ILRUN: variants seen among roughly 807,000 people sequenced by gnomAD.
The protein encoded by ILRUN is protein ILRUN.
A neutral mutation model predicts 33.8 loss-of-function variants in ILRUN; 3 were observed. The ratio of observed to expected loss-of-function variants is 0.09; its 90% CI spans 0.04 to 0.23. The LOEUF is 0.23. ILRUN is among the 10% of genes least tolerant of loss of function. The pLI is 1.00. For synonymous variants in ILRUN, 124 were observed against 138.9 expected (o/e 0.89, Z 0.75); for missense variants, 210 against 375.1 (o/e 0.56, Z 3.64).
chr6:34,640,713 A>G lies in ILRUN; in HGVS notation c.511+5888T>C, dbSNP rs1229005678. 3.8e-4 allele frequency among the ~76,000 whole-genome samples: 58 copies of G among 151,054 alleles called. 1 individual carries two copies. Among genetic ancestry groups the G allele is most frequent in the South Asian group, 2.1e-4 (1 of 4,766 alleles). On this transcript the variant is annotated intron_variant, in intron 3 of 4. Transcript: ENST00000374023. ...GACAGAGCGAGACTCCGTCTCAAAT[A>G]AATGAATGAATGAATGAATGAATGA...
intron 1 of ILRUN, among the ~76,000 whole-genome samples, chr6:34,692,803 G>A (rs1763674303): frequency 6.6e-6 from 1 of 152,130 alleles, no homozygotes; most frequent in East Asian, 1.9e-4. Context: ...TCAGATGCGT[G>A]ATGATTGGGT....
intron 3 of ILRUN, among the ~76,000 whole-genome samples, chr6:34,641,271 A>C (rs1762471094): frequency 6.6e-6 from 1 of 152,172 alleles, no homozygotes; most frequent in African/African-American, 2.4e-5. Context: ...TCAATAAGCT[A>C]GTAAGCCGAG....
intron 3 of ILRUN, among the ~76,000 whole-genome samples, chr6:34,616,019 ACTTGGTT>A (rs1761884720): frequency 6.6e-6 from 1 of 152,198 alleles, no homozygotes; most frequent in Non-Finnish European, 1.5e-5. Context: ...ATAGGCTTCC[ACTTGGTT>A]CTGGGCTTCC....
chr6:34,679,673 G>A (rs891928741), intron 1 of ILRUN, among the ~76,000 whole-genome samples: 7 of 152,134 alleles, frequency 4.6e-5, no homozygotes, highest in Non-Finnish European at 8.8e-5. Context: ...CAAAATTCAC[G>A]TCCATCCAGA....
chr6:34,631,777 GTTTCC>G (rs1762250905), intron 3 of ILRUN, among the ~76,000 whole-genome samples: 1 of 152,110 alleles, frequency 6.6e-6, no homozygotes, highest in African/African-American at 2.4e-5. Context: ...CAGGTATGAG[GTTTCC>G]TTTTGGGGTT....
chr6:34,604,381 T>C (rs1245057338), intron 4 of ILRUN, among the ~76,000 whole-genome samples: 5 of 152,114 alleles, frequency 3.3e-5, no homozygotes, highest in African/African-American at 1.2e-4. Flanking sequence ...GGAAAACAAT[T>C]AATGGGCTCT....
chr6:34,658,709 G>C (rs192911853), intron 1 of ILRUN, among the ~76,000 whole-genome samples: 1 of 151,746 alleles, frequency 6.6e-6, no homozygotes, highest in African/African-American at 2.4e-5. Context: ...TGGGAGGCTG[G>C]GTCAGGAGAA....
Position 34,606,664 on chromosome 6 carries a change from G to A in ILRUN, c.752C>T (p.Ala251Val). 2 of 1,612,536 alleles carry A rather than the reference G, an allele frequency of 1.2e-6. No homozygotes were observed. The highest frequency in any genetic ancestry group is 1.7e-6 in the Non-Finnish European group (2 of 1,178,594). ...TTGCTCAGTTTGGTCAGGAGCAGGA[G>A]CCCATGTGTCAGGAGCAGGAGCCCA... ...NTWAPAPDTW[A>V]PAPDQTEQDQ... Residue 251 changes from alanine to valine, a missense_variant, in exon 4 of 5, where the codon GCT (alanine) becomes GTT (valine). Around this residue, in one of 4 missense-constraint regions of ILRUN, gnomAD observed 81 missense variants for 97.0 expected, o/e 0.84. Coordinates refer to ENST00000374023, the MANE Select transcript of ILRUN (RefSeq NM_024294.4).
chr6:34,643,079 T>C (rs1000525112), intron 3 of ILRUN, among the ~76,000 whole-genome samples: 3 of 151,938 alleles, frequency 2.0e-5, no homozygotes, highest in African/African-American at 4.8e-5. Flanking sequence ...GCAGATCACC[T>C]GAGGTCAGGA....
intron 1 of ILRUN, among the ~76,000 whole-genome samples, chr6:34,669,778 GC>G (rs1763078596): frequency 6.6e-6 from 1 of 152,022 alleles, no homozygotes; most frequent in Admixed American, 6.6e-5. Context: ...CCACAACTCA[GC>G]AATAAAAATG....
chr6:34,593,475 A>G (rs544766171), intron 4 of ILRUN, among the ~76,000 whole-genome samples: 11 of 152,352 alleles, frequency 7.2e-5, no homozygotes, highest in African/African-American at 2.6e-4. Flanking sequence ...CAATTGGAAG[A>G]AACAGGAATA....
chr6:34,689,894 C>T (rs1301592443), intron 1 of ILRUN, among the ~76,000 whole-genome samples: 1 of 151,824 alleles, frequency 6.6e-6, no homozygotes, highest in Non-Finnish European at 1.5e-5. Flanking sequence ...AAGTAGAATT[C>T]CAAAACATAC....
intron 1 of ILRUN, among the ~76,000 whole-genome samples, chr6:34,681,551 C>G (rs1763357587): frequency 6.6e-6 from 1 of 152,132 alleles, no homozygotes; most frequent in South Asian, 2.1e-4. Context: ...ATTGGTTGAG[C>G]TCAGGAGTTT....
chr6:34,653,158 G>GAA (rs759825990), intron 2 of ILRUN, among the ~76,000 whole-genome samples: 76 of 142,114 alleles, frequency 5.3e-4, no homozygotes, highest in African/African-American at 1.9e-3. Flanking sequence ...AAAAGAAAAA[G>GAA]AAAGAAAGAA....
At chr6:34,606,167 G>A (rs1261457927) in intron 4 of ILRUN, among the ~76,000 whole-genome samples, 1 of 152,098 alleles carries the variant, frequency 6.6e-6, no homozygotes, top group African/African-American at 2.4e-5. Context: ...TGGGCCATAA[G>A]GACTGAAAAG....
rs570736699 is a variant in ILRUN at position 34,589,604 on chromosome 6, G to C, written c.*961C>G. On this transcript the variant is annotated 3_prime_UTR_variant, in exon 5 of 5. Transcript: ENST00000374023. The stretch of plus-strand genomic sequence containing the variant: ...CTGCTGGTGAGTTGCACCAACACCC[G>C]TGTGTGCACATGTGGTGCATACATA... 2 of 152,238 alleles carry C rather than the reference G, an allele frequency of 1.3e-5. No individual in the cohort carries two copies. The highest frequency in any genetic ancestry group is 2.9e-5 in the Non-Finnish European group (2 of 68,052). The allele number at this position is 152,238 out of a possible 1,614,324, so 9.4% of individuals were successfully genotyped here.
chr6:34,677,668 G>GC (rs1376428854), intron 1 of ILRUN, among the ~76,000 whole-genome samples: 2 of 152,072 alleles, frequency 1.3e-5, no homozygotes, highest in African/African-American at 2.4e-5. Context: ...ACAAAACAGG[G>GC]CCGGTCACCA....
In ILRUN at chr6:34,610,794, T is replaced by A. The variant is rs559297670; in HGVS notation, c.512-3890A>T. ...TAGATTTGGCACACAGCTACTAAGC[T>A]ACAGGTCATATGCTTCATTCTTAGC... On this transcript the variant is annotated intron_variant, in intron 3 of 4. Coordinates refer to ENST00000374023, the MANE Select transcript of ILRUN (RefSeq NM_024294.4). 3.9e-5 allele frequency among the ~76,000 whole-genome samples: 6 copies of A among 152,360 alleles called. No individual in the cohort carries two copies. The South Asian group carries it at 1.2e-3, about 32-fold the overall frequency.
At position 34,592,970 on chromosome 6, in the gene ILRUN, T is replaced by C. The variant is rs1761325739; in HGVS notation, c.862-2370A>G. Among the ~76,000 whole-genome samples, 1 of 152,096 alleles carries C rather than the reference T, an allele frequency of 6.6e-6. No homozygotes were observed. Among genetic ancestry groups the C allele is most frequent in the Admixed American group, 6.5e-5 (1 of 15,268 alleles). ...GGGAGAACTGCTTGAGGTGAGGAGTTAGGAGATCAGTATGGGTAACACAGT... is the reference window on the plus strand; with the variant it reads ...GGGAGAACTGCTTGAGGTGAGGAGTCAGGAGATCAGTATGGGTAACACAGT... On this transcript the variant is annotated intron_variant, in intron 4 of 4. Transcript: ENST00000374023. This position sits in a 1 kb window ranked among gnomAD's most constrained non-coding sequence, Gnocchi z 4.0.
Sources: allele counts gnomAD v4.1 joint callset (sites outside exome capture counted in the v4.1 genomes callset), GRCh38; gene constraint gnomAD v4.1.1; regional missense constraint gnomAD v4.1.1; non-coding constraint Gnocchi (gnomAD v3.1); transcripts MANE v1.5; gene names NCBI Gene and HGNC (gene_info 2026-07-23, HGNC 2026-07-21).